The following ENDOU variants were observed in gnomAD, a reference collection of about 807,000 sequenced individuals.
The protein encoded by ENDOU is endonuclease, poly(U) specific, also known as uridylate-specific endoribonuclease.
A neutral mutation model predicts 54.2 loss-of-function variants in ENDOU; 49 were observed. The observed-to-expected ratio is 0.90, with a 90% CI of 0.72 to 1.15. The LOEUF (loss-of-function observed/expected upper bound fraction) is 1.15, where lower values mean the gene tolerates loss of function less well. ENDOU is among the 50% of genes most tolerant of loss of function. The probability of loss-of-function intolerance (pLI) is 0.00; values close to 1 mark genes in which losing one functional copy is unlikely to be tolerated. For missense variants in ENDOU, 458 were observed against 511.4 expected, an observed-to-expected ratio of 0.90 and a Z score of 1.01; for synonymous variants, 172 against 190.5, an observed-to-expected ratio of 0.90 and a Z score of 0.80.
chr12:47,712,431 C>A, intron 8 of ENDOU, 85 bp downstream of exon 8: 2 of 1,050,848 alleles, frequency 1.9e-6, no homozygotes. Context: ...GAGAGTCAGG[C>A]TGAGAGGCAA....
At chr12:47,721,569 G>A (rs775843150) in intron 1 of ENDOU, among the ~76,000 whole-genome samples, 2 of 152,064 alleles carry the variant, frequency 1.3e-5, no homozygotes, top group African/African-American at 2.4e-5. Flanking sequence ...GTTCTTTCCC[G>A]TCTTTGGAGT....
chr12:47,720,901 C>T (rs1413995508), intron 1 of ENDOU, 26 bp from the exon 2 acceptor site: 2 of 1,535,598 alleles, frequency 1.3e-6, no homozygotes, highest in Non-Finnish European at 1.7e-6. Context: ...GTCACCAACT[C>T]AGCTCTATGG....
In ENDOU at chr12:47,725,380, G is replaced by A. The variant is rs757435912; in HGVS notation, c.34C>T (p.Leu12=). ...RACISLVLAV[L]CGLAWAGKIE... is the part of the protein sequence containing the mutation. The stretch of plus-strand genomic sequence containing the variant: ...TTACCAGCCCAGGCCAGGCCACACA[G>A]CACGGCCAATACCAGGGAGATGCAG... The change falls in exon 1 of 10, where the codon CTG becomes TTG. Residue 12 remains leucine, a synonymous_variant. Transcript: ENST00000422538. 10 of 1,614,214 alleles carry A rather than the reference G, an allele frequency of 6.2e-6. No individual in the cohort carries two copies. The highest frequency in any genetic ancestry group is 4.2e-6 in the Non-Finnish European group (5 of 1,180,036).
chr12:47,711,557 G>T (rs1940002041), intron 9 of ENDOU, 76 bp downstream of exon 9: 4 of 1,508,170 alleles, frequency 2.7e-6, no homozygotes, highest in African/African-American at 2.7e-5. Context: ...CAGAGTCCAG[G>T]TCTCTTGACT....
chr12:47,717,710 G>T, intron 3 of ENDOU, 55 bp from the exon 4 acceptor site: 1 of 1,576,934 alleles, frequency 6.3e-7, no homozygotes, highest in Non-Finnish European at 8.6e-7. Context: ...CGCTCTGAAC[G>T]CCCCACAGGC....
At chr12:47,720,616 G>T in intron 2 of ENDOU, 137 bp downstream of exon 2, 1 of 878,424 alleles carries the variant, frequency 1.1e-6, no homozygotes, top group Non-Finnish European at 1.6e-6. Flanking sequence ...TCCTGACCCT[G>T]CCTCTGTCCC....
At position 47,710,747 on chromosome 12, in the gene ENDOU, G is replaced by C. The variant is rs752014798; in HGVS notation, c.*55C>G. 1 of 1,172,312 alleles carries C rather than the reference G, an allele frequency of 8.5e-7. No homozygotes were observed. Among genetic ancestry groups the C allele is most frequent in the Non-Finnish European group, 1.3e-6 (1 of 776,660 alleles). The allele number at this position is 1,172,312 out of a possible 1,614,324, so 72.6% of individuals were successfully genotyped here. On this transcript the variant is annotated 3_prime_UTR_variant, in exon 10 of 10. Transcript: ENST00000422538. ...TCCCTCTTCTCTCTAGTCCAGAGAA[G>C]ATAGCACTTCAGTCTCGCAAGAGCC...
At chr12:47,724,637 A>C (rs1476131319) in intron 1 of ENDOU, among the ~76,000 whole-genome samples, 3 of 148,162 alleles carry the variant, frequency 2.0e-5, no homozygotes, top group Non-Finnish European at 4.5e-5. Context: ...CTCCCTTGGC[A>C]CTCCTTCCCA....
intron 1 of ENDOU, among the ~76,000 whole-genome samples, chr12:47,724,887 C>G (rs1940537343): frequency 6.6e-6 from 1 of 152,148 alleles, no homozygotes; most frequent in South Asian, 2.1e-4. Context: ...CAGTTTCCTC[C>G]TAAGCCTGCC....
intron 6 of ENDOU, among the ~76,000 whole-genome samples, 176 bp from the exon 7 acceptor site, chr12:47,713,564 A>G (rs67408202): frequency 0.089 from 13,626 of 152,252 alleles, 669 homozygotes; most frequent in African/African-American, 0.13. Flanking sequence ...TTTTGTGCCA[A>G]ATCCAGATCT....
rs894866786 is a variant in ENDOU at position 47,718,324 on chromosome 12, G to T, written c.179-130C>A. 5.8e-6 allele frequency: 4 copies of T among 687,488 alleles called. No homozygotes were observed. In the East Asian group the frequency reaches 1.1e-4, roughly 19 times the overall value. The allele number at this position is 687,488 out of a possible 1,614,324, so 42.6% of individuals were successfully genotyped here. On this transcript the variant is annotated intron_variant, in intron 2 of 9. Transcript: ENST00000422538. ...TGGAAGCAAATTCTGAACAGGGGCT[G>T]GGGTCCAATGGACAGGCACCAAATA... is the stretch of plus-strand genomic sequence containing the variant.
At position 47,711,633 on chromosome 12, in the gene ENDOU, A is replaced by T; in HGVS notation, c.1115T>A (p.Val372Glu). Residue 372 changes from valine (V) to glutamate (E), a missense_variant and splice_region_variant, in exon 9 of 10, where the codon GTG becomes GAG. Transcript: ENST00000422538. The part of the protein sequence containing the change: ...SLCFIARPGK[V>E]CQLSLGGYPL... ...CAGGCCTGGCTGGCCCCATTCTTACACTTTGCCTGGCCTGGCGATGAAGCA... is the reference window on the plus strand; with the variant it reads ...CAGGCCTGGCTGGCCCCATTCTTACTCTTTGCCTGGCCTGGCGATGAAGCA... The T allele has an allele frequency of 6.2e-7, 1 of 1,613,024 alleles. No homozygotes were observed. The highest frequency in any genetic ancestry group is 8.5e-7 in the Non-Finnish European group (1 of 1,179,704).
intron 5 of ENDOU, 62 bp from the exon 6 acceptor site, chr12:47,716,561 A>C (rs1314701109): frequency 3.8e-5 from 57 of 1,497,990 alleles, no homozygotes; most frequent in Non-Finnish European, 5.2e-5. Context: ...ACCCCTCCAG[A>C]GACTTCTAGA....
intron 2 of ENDOU, chr12:47,720,403 A>G (rs1940393746): frequency 5.9e-6 from 1 of 170,662 alleles, no homozygotes; most frequent in Admixed American, 6.2e-5. Flanking sequence ...CATTTTTGTG[A>G]TTTAAAGTGT....
intron 9 of ENDOU, among the ~76,000 whole-genome samples, chr12:47,711,148 A>G (rs926328277): frequency 6.6e-6 from 1 of 152,204 alleles, no homozygotes; most frequent in South Asian, 2.1e-4. Context: ...GCTGTTCCTC[A>G]TCTTTCCCAG....
At chr12:47,720,531 A>T (rs1940396807) in intron 2 of ENDOU, 1 of 402,060 alleles carries the variant, frequency 2.5e-6, no homozygotes, top group African/African-American at 2.1e-5. Context: ...TCAGACAGAA[A>T]TTCTAGGTAA....
At chr12:47,717,147 C>A (rs1055709394) in intron 4 of ENDOU, 89 bp from the exon 5 acceptor site, 11 of 1,148,102 alleles carry the variant, frequency 9.6e-6, no homozygotes, top group Admixed American at 1.9e-5. Context: ...CTCCTGGGCA[C>A]CTTCAAGAAG....
Position 47,710,480 on chromosome 12 carries a change from T to A in ENDOU, c.*322A>T, listed in dbSNP as rs1939946580. On this transcript the variant is annotated 3_prime_UTR_variant, in exon 10 of 10. Transcript: ENST00000422538. ...CATTAAAGGGAAGCATGAGGCCTGGTGAGGTCAAAGGACTTCTTCCTAGTT... is the reference window on the plus strand; with the variant it reads ...CATTAAAGGGAAGCATGAGGCCTGGAGAGGTCAAAGGACTTCTTCCTAGTT... 1 of 190,708 alleles carries A rather than the reference T, an allele frequency of 5.2e-6. No individual in the cohort carries two copies. Among genetic ancestry groups the A allele is most frequent in the Non-Finnish European group, 1.1e-5 (1 of 92,062 alleles). 11.8% of individuals were successfully genotyped at this position (190,708 alleles called of 1,614,324 possible).
At position 47,716,449 on chromosome 12, in the gene ENDOU, G is replaced by C; in HGVS notation, c.602C>G (p.Ala201Gly). 1 of 1,614,058 alleles carries C rather than the reference G, an allele frequency of 6.2e-7. No homozygotes were observed. Among genetic ancestry groups the C allele is most frequent in the Non-Finnish European group, 8.5e-7 (1 of 1,180,034 alleles). ...EKLFSKPTYAAFINLLNNYQR... is the reference protein window; with the variant it reads ...EKLFSKPTYAGFINLLNNYQR... The stretch of plus-strand genomic sequence containing the variant: ...GTAGTTGTTGAGGAGGTTGATGAAG[G>C]CTGCATAGGTGGGCTTGGAGAACAG... Residue 201 changes from alanine to glycine, a missense_variant, in exon 6 of 10, where the codon GCC (alanine) becomes GGC (glycine). Transcript: ENST00000422538.
Sources: gnomAD v4.1 joint callset for allele counts (sites outside exome capture counted in the v4.1 genomes callset) on GRCh38, gnomAD v4.1.1 for gene constraint, MANE v1.5 for transcripts, NCBI Gene and HGNC (gene_info 2026-07-23, HGNC 2026-07-21) for gene names.